The following VEPH1 variants were observed in gnomAD, a reference collection of about 807,000 sequenced individuals.
The protein encoded by VEPH1 is ventricular zone-expressed PH domain-containing protein homolog 1.
VEPH1 carries 80 observed loss-of-function variants against 85.2 expected under a neutral mutation model. The observed-to-expected ratio is 0.94, with a 90% CI of 0.78 to 1.13. The LOEUF is 1.13. Among genes scored for constraint, VEPH1 ranks in the 50% most tolerant of loss-of-function variants. The pLI, the probability that VEPH1 is intolerant of heterozygous loss-of-function variation, is 0.00. For missense variants in VEPH1, 955 were observed against 980.5 expected, an observed-to-expected ratio of 0.97 and a Z score of 0.35; for synonymous variants, 297 against 348.0, an observed-to-expected ratio of 0.85 and a Z score of 1.63.
At chr3:157,386,766 G>A (rs1729348513) in intron 6 of VEPH1, among the ~76,000 whole-genome samples, 1 of 152,212 alleles carries the variant, frequency 6.6e-6, no homozygotes, top group African/African-American at 2.4e-5. Flanking sequence ...TAAAGAATAT[G>A]ACTACGAGTA....
In VEPH1 at chr3:157,302,581, G is replaced by A. The variant is rs116112060; in HGVS notation, c.2010+11040C>T. ...TAAGCCAGAAAGTGGGCCCGCACTA[G>A]ACACTGAATCTGCCTTGATCTCGGG... On this transcript the variant is annotated intron_variant, in intron 11 of 13. Transcript: ENST00000362010. Among the ~76,000 whole-genome samples the A allele has an allele frequency of 6.3e-3, 958 of 152,332 alleles. 18 individuals are homozygous for A. Among genetic ancestry groups the A allele is most frequent in the African/African-American group, 0.022 (900 of 41,564 alleles).
intron 9 of VEPH1, among the ~76,000 whole-genome samples, chr3:157,341,587 T>C (rs893487146): frequency 6.6e-6 from 1 of 152,152 alleles, no homozygotes; most frequent in African/African-American, 2.4e-5. Context: ...TGGAACCAAG[T>C]TGGAAAACAC....
intron 6 of VEPH1, among the ~76,000 whole-genome samples, chr3:157,403,158 C>T (rs537723284): frequency 1.3e-3 from 202 of 152,140 alleles, no homozygotes; most frequent in Non-Finnish European, 2.3e-3. Flanking sequence ...AATTGTTACA[C>T]GATTTTACAT....
At chr3:157,431,198 A>G (rs1472740760) in intron 4 of VEPH1, among the ~76,000 whole-genome samples, 1 of 152,182 alleles carries the variant, frequency 6.6e-6, no homozygotes, top group East Asian at 1.9e-4. Context: ...GCCATGTAAG[A>G]CGTGCCTTGT....
At chr3:157,264,907 A>G (rs1409267572) in intron 13 of VEPH1, among the ~76,000 whole-genome samples, 1 of 152,214 alleles carries the variant, frequency 6.6e-6, no homozygotes, top group Non-Finnish European at 1.5e-5. Flanking sequence ...ATTGATTGCA[A>G]TGGAATGCTA....
At chr3:157,350,779 A>G (rs1724783102) in intron 9 of VEPH1, among the ~76,000 whole-genome samples, 1 of 152,244 alleles carries the variant, frequency 6.6e-6, no homozygotes, top group Non-Finnish European at 1.5e-5. Context: ...AATGTTCAAC[A>G]TCACTAATCA....
intron 6 of VEPH1, among the ~76,000 whole-genome samples, chr3:157,408,329 G>A (rs1283496459): frequency 6.6e-6 from 1 of 152,072 alleles, no homozygotes; most frequent in Non-Finnish European, 1.5e-5. Context: ...GAGATAGATT[G>A]TATAAGCTCA....
chr3:157,452,347 A>G (rs1035741996), intron 4 of VEPH1, among the ~76,000 whole-genome samples: 2 of 152,188 alleles, frequency 1.3e-5, no homozygotes, highest in Non-Finnish European at 2.9e-5. Context: ...GTGAGATATG[A>G]AAGTCGGAGC....
chr3:157,269,211 G>A (rs942110574), intron 12 of VEPH1, among the ~76,000 whole-genome samples: 1 of 152,178 alleles, frequency 6.6e-6, no homozygotes, highest in Non-Finnish European at 1.5e-5. Context: ...GAAGAGTAAT[G>A]TGTGACAAAA....
chr3:157,329,623 T>G (rs1408067635), intron 9 of VEPH1, among the ~76,000 whole-genome samples: 3 of 92,068 alleles, frequency 3.3e-5, no homozygotes, highest in African/African-American at 9.2e-5. Flanking sequence ...AGAGTTGCCT[T>G]TTTTTTTTTA....
chr3:157,446,285 T>C (rs978157975), intron 4 of VEPH1, among the ~76,000 whole-genome samples: 2 of 152,152 alleles, frequency 1.3e-5, no homozygotes, highest in South Asian at 2.1e-4. Context: ...TTCCATGTCC[T>C]GGGAAGCCCT....
intron 11 of VEPH1, among the ~76,000 whole-genome samples, chr3:157,304,230 A>G (rs951434508): frequency 6.6e-6 from 1 of 152,026 alleles, no homozygotes; most frequent in African/African-American, 2.4e-5. Context: ...CACTCCTGTC[A>G]GTTATCCTGG....
chr3:157,309,486 A>T (rs1262274144), intron 11 of VEPH1, among the ~76,000 whole-genome samples: 1 of 152,166 alleles, frequency 6.6e-6, no homozygotes, highest in South Asian at 2.1e-4. Context: ...ATATGTTCTC[A>T]TGGAAACCCA....
At chr3:157,393,699 A>T (rs1730099117) in intron 6 of VEPH1, among the ~76,000 whole-genome samples, 1 of 152,224 alleles carries the variant, frequency 6.6e-6, no homozygotes, top group African/African-American at 2.4e-5. Context: ...TAACATTGGC[A>T]GCATCTGTGA....
intron 4 of VEPH1, among the ~76,000 whole-genome samples, chr3:157,445,782 C>A (rs1208249691): frequency 4.6e-5 from 7 of 152,232 alleles, no homozygotes; most frequent in African/African-American, 1.7e-4. Context: ...AGCGAGACTT[C>A]ATCTCAAAAA....
chr3:157,455,786 A>C (rs1243859083), intron 4 of VEPH1, among the ~76,000 whole-genome samples: 1 of 152,184 alleles, frequency 6.6e-6, no homozygotes, highest in East Asian at 1.9e-4. Context: ...ATAGTTTTCC[A>C]TGGTGTATAG....
At chr3:157,412,599 A>C (rs1249429435) in intron 6 of VEPH1, among the ~76,000 whole-genome samples, 1 of 152,166 alleles carries the variant, frequency 6.6e-6, no homozygotes, top group African/African-American at 2.4e-5. Flanking sequence ...TTCTCTTGGC[A>C]GAAAAGGTGA....
chr3:157,302,154 C>T (rs150101711), intron 11 of VEPH1, among the ~76,000 whole-genome samples: 133 of 152,308 alleles, frequency 8.7e-4, no homozygotes, highest in Non-Finnish European at 1.6e-3. Flanking sequence ...ACTTTTACCT[C>T]CAACCGTTAT....
At chr3:157,398,614 C>G (rs1730594311) in intron 6 of VEPH1, among the ~76,000 whole-genome samples, 1 of 144,732 alleles carries the variant, frequency 6.9e-6, no homozygotes, top group Admixed American at 7.0e-5. Flanking sequence ...AGCCTGGCAA[C>G]AGAGTGAGAC....
Sources: allele counts gnomAD v4.1 joint callset (sites outside exome capture counted in the v4.1 genomes callset), GRCh38; gene constraint gnomAD v4.1.1; transcripts MANE v1.5; gene names NCBI Gene and HGNC (gene_info 2026-07-23, HGNC 2026-07-21).